The following CLDN16 variants were observed in gnomAD, a reference collection of about 807,000 sequenced individuals.
The protein encoded by CLDN16 is claudin-16.
CLDN16 carries 13 observed loss-of-function variants against 24.6 expected under a neutral mutation model. That is an observed-to-expected ratio of 0.53 (90% confidence interval 0.34 to 0.84). CLDN16 has a LOEUF of 0.84. Ranked by LOEUF, CLDN16 falls within the 40% of genes least tolerant of loss-of-function variation. The pLI, the probability that CLDN16 is intolerant of heterozygous loss-of-function variation, is 0.01. For missense variants in CLDN16, 298 were observed against 292.7 expected (o/e 1.02, Z -0.13); for synonymous variants, 116 against 106.7 (o/e 1.09, Z -0.54).
chr3:190,358,784 T>A (rs1358033727), intron 1 of CLDN16, among the ~76,000 whole-genome samples: 3 of 151,976 alleles, frequency 2.0e-5, no homozygotes, highest in African/African-American at 4.8e-5. Context: ...TGGACATAGT[T>A]TTTTCATTAA....
chr3:190,401,640 T>C (rs1718965346), intron 1 of CLDN16, among the ~76,000 whole-genome samples: 1 of 152,194 alleles, frequency 6.6e-6, no homozygotes, highest in African/African-American at 2.4e-5. Flanking sequence ...CTTAGAGTCA[T>C]CTGCACATCA....
At chr3:190,364,974 T>C (rs1219462571) in intron 1 of CLDN16, among the ~76,000 whole-genome samples, 2 of 151,848 alleles carry the variant, frequency 1.3e-5, no homozygotes, top group Non-Finnish European at 2.9e-5. Flanking sequence ...CAATGGATAC[T>C]TGTTTTGAGA....
At chr3:190,323,025 C>CACACACACACACACACACACAA (rs559057976) in intron 1 of CLDN16, among the ~76,000 whole-genome samples, 11 of 151,412 alleles carry the variant, frequency 7.3e-5, no homozygotes, top group African/African-American at 2.4e-4. Context: ...CACACACACA[C>CACACACACACACACACACACAA]ACAGACACAC....
chr3:190,351,905 C>G (rs1398468196), intron 1 of CLDN16, among the ~76,000 whole-genome samples: 7 of 152,000 alleles, frequency 4.6e-5, no homozygotes, highest in Non-Finnish European at 1.0e-4. Context: ...CAAGAGTATT[C>G]AAGTTAAACT....
the CLDN16 span, chr3:190,308,209 G>A: frequency 1.9e-6 from 3 of 1,565,322 alleles, no homozygotes; most frequent in Middle Eastern, 1.9e-4. Context: ...AGGTCCTAAT[G>A]TTAATGATAG....
At chr3:190,294,705 A>G in the CLDN16 span, among the ~76,000 whole-genome samples, 1 of 152,242 alleles carries the variant, frequency 6.6e-6, no homozygotes, top group African/African-American at 2.4e-5. Context: ...AACATTTTTT[A>G]CCCTAATCTT....
chr3:190,336,706 G>A (rs1057279941), intron 1 of CLDN16, among the ~76,000 whole-genome samples: 5 of 152,100 alleles, frequency 3.3e-5, no homozygotes, highest in African/African-American at 1.2e-4. Context: ...CCAACAGAAG[G>A]GTTTCATAAC....
chr3:190,361,183 T>A lies in CLDN16; in HGVS notation n.122-9710T>A, dbSNP rs551785638. ...CAGTAATTACCCAGCACCCACTATGTGCTAGTCACTCAATAGGCACTGAGA... is the reference window on the plus strand; with the variant it reads ...CAGTAATTACCCAGCACCCACTATGAGCTAGTCACTCAATAGGCACTGAGA... On this transcript the variant is annotated intron_variant and non_coding_transcript_variant, in intron 1 of 4. Coordinates refer to the CLDN16 transcript ENST00000468220. Among the ~76,000 whole-genome samples, 6 of 152,168 alleles carry A rather than the reference T, an allele frequency of 3.9e-5. No individual in the cohort carries two copies. In the South Asian group the frequency reaches 1.2e-3, roughly 32 times the overall value.
chr3:190,378,913 C>G (rs1172387659), intron 3 of CLDN16, among the ~76,000 whole-genome samples: 1 of 151,940 alleles, frequency 6.6e-6, no homozygotes, highest in East Asian at 1.9e-4. Flanking sequence ...GATATGATGC[C>G]TTTCTAATTA....
chr3:190,403,291 C>T (rs953218487), intron 2 of CLDN16, among the ~76,000 whole-genome samples: 7 of 152,180 alleles, frequency 4.6e-5, no homozygotes, highest in African/African-American at 1.4e-4. Context: ...GAGATCACAC[C>T]ACTGCACTCC....
Position 190,402,404 on chromosome 3 carries a change from G to T in CLDN16, c.182G>T (p.Cys61Phe). ...AATGCTTTTGATGGGATTCGCACCT[G>T]TGATGAGTACGATTCCATACTTGCG... ...VTNAFDGIRT[C>F]DEYDSILAEH... The change falls in exon 2 of 5, where the codon TGT (cysteine) becomes TTT (phenylalanine). Residue 61 changes from cysteine (C) to phenylalanine (F), a missense_variant. Transcript: ENST00000264734. The T allele has an allele frequency of 6.2e-7, 1 of 1,613,994 alleles. No individual in the cohort carries two copies. Among genetic ancestry groups the T allele is most frequent in the Non-Finnish European group, 8.5e-7 (1 of 1,179,954 alleles).
the CLDN16 span, among the ~76,000 whole-genome samples, chr3:190,299,523 A>G: frequency 6.8e-6 from 1 of 147,620 alleles, no homozygotes; most frequent in Admixed American, 6.8e-5. Flanking sequence ...TTATGGTAAG[A>G]AATTTATTCT....
chr3:190,402,130 T>C (rs1046235145), intron 1 of CLDN16, among the ~76,000 whole-genome samples: 8 of 152,178 alleles, frequency 5.3e-5, no homozygotes, highest in African/African-American at 1.9e-4. Context: ...AGGAAGTGGA[T>C]TCATTTCCTG....
rs1444544108 is a variant in CLDN16 at position 190,402,334 on chromosome 3, T to C, written c.115-3T>C. On this transcript the variant is annotated splice_region_variant and splice_polypyrimidine_tract_variant and intron_variant, in intron 1 of 4. Transcript: ENST00000264734. ...TTCACACGGTGTCTTCTCTAACATC[T>C]AGGTGAGCACAAAATGCCGAGGCCT... 1.2e-6 allele frequency: 2 copies of C among 1,611,680 alleles called. No homozygotes were observed. Among genetic ancestry groups the C allele is most frequent in the Non-Finnish European group, 1.7e-6 (2 of 1,177,846 alleles).
chr3:190,408,162 A>G, intron 3 of CLDN16, 152 bp from the exon 4 acceptor site: 1 of 772,372 alleles, frequency 1.3e-6, no homozygotes, highest in South Asian at 1.4e-5. Context: ...AAGAGACAGA[A>G]GAAGTGTCCG....
the CLDN16 span, chr3:190,306,113 G>A: frequency 6.6e-6 from 1 of 152,202 alleles, no homozygotes; most frequent in Non-Finnish European, 1.5e-5. Context: ...TCCTAGCAGC[G>A]TCAGCTGCCA....
At chr3:190,306,104 C>T in the CLDN16 span, 5 of 152,242 alleles carry the variant, frequency 3.3e-5, no homozygotes, top group Non-Finnish European at 7.3e-5. Flanking sequence ...AACTAACTAT[C>T]CTAGCAGCGT....
chr3:190,333,531 C>CATCT (rs71947568), intron 1 of CLDN16, among the ~76,000 whole-genome samples: 154 of 143,678 alleles, frequency 1.1e-3, no homozygotes, highest in Middle Eastern at 3.5e-3. Flanking sequence ...ATCAGTCTAT[C>CATCT]ATCTATCTAT....
intron 2 of CLDN16, among the ~76,000 whole-genome samples, chr3:190,403,428 T>C (rs1719011422): frequency 2.0e-5 from 3 of 152,228 alleles, no homozygotes; most frequent in African/African-American, 7.2e-5. Flanking sequence ...AATCTTACTG[T>C]TGATTCTCTC....
Sources: gnomAD v4.1 joint callset for allele counts (sites outside exome capture counted in the v4.1 genomes callset) on GRCh38, gnomAD v4.1.1 for gene constraint, MANE v1.5 for transcripts, NCBI Gene and HGNC (gene_info 2026-07-23, HGNC 2026-07-21) for gene names.